The following THSD4 variants were observed in gnomAD, a reference collection of about 807,000 sequenced individuals.
The protein encoded by THSD4 is thrombospondin type-1 domain-containing protein 4.
Under a neutral mutation model 119.0 loss-of-function variants are expected in THSD4, and 69 were observed. The ratio of observed to expected loss-of-function variants is 0.58; its 90% CI spans 0.48 to 0.71. The LOEUF is 0.71. THSD4 is among the 30% of genes least tolerant of loss of function. The probability of loss-of-function intolerance (pLI) is 0.00; values close to 1 mark genes in which losing one functional copy is unlikely to be tolerated. For missense variants in THSD4, 1,393 were observed against 1,391.1 expected, an observed-to-expected ratio of 1.00 and a Z score of -0.02; for synonymous variants, 524 against 540.4, an observed-to-expected ratio of 0.97 and a Z score of 0.42.
At chr15:71,120,932 G>A (rs958337467) in intron 1 of THSD4, among the ~76,000 whole-genome samples, 4 of 152,208 alleles carry the variant, frequency 2.6e-5, no homozygotes, top group Non-Finnish European at 4.4e-5. Context: ...GGAGGATGAC[G>A]AGCTTTGACT....
At position 71,617,416 on chromosome 15, in the gene THSD4, C is replaced by G. The variant is rs2050337950; in HGVS notation, c.1153-43114C>G. Among the ~76,000 whole-genome samples, 5 of 152,130 alleles carry G rather than the reference C, an allele frequency of 3.3e-5. No individual in the cohort carries two copies. In the South Asian group the frequency reaches 1.0e-3, roughly 32 times the overall value. On this transcript the variant is annotated intron_variant, in intron 7 of 17. Coordinates refer to ENST00000261862, the MANE Select transcript of THSD4 (RefSeq NM_024817.3). The stretch of plus-strand genomic sequence containing the variant: ...CTCATTGCCTTCTCTTTTTCTTCTT[C>G]TCCCTTTCTTTCCCTTCATCTCAGT...
intron 1 of THSD4, among the ~76,000 whole-genome samples, chr15:71,122,756 A>C (rs667044): frequency 6.6e-6 from 1 of 152,172 alleles, no homozygotes; most frequent in South Asian, 2.1e-4. Context: ...CCCACCCTCT[A>C]TCAGGGATCT....
chr15:71,374,639 A>G (rs943241118), intron 6 of THSD4, among the ~76,000 whole-genome samples: 2 of 152,172 alleles, frequency 1.3e-5, no homozygotes, highest in Non-Finnish European at 2.9e-5. Flanking sequence ...TGAGGAATGA[A>G]TCTTGAGGGT....
intron 7 of THSD4, among the ~76,000 whole-genome samples, chr15:71,498,769 C>T (rs923207085): frequency 3.9e-5 from 6 of 152,082 alleles, no homozygotes; most frequent in Non-Finnish European, 8.8e-5. Flanking sequence ...GATCATGGCT[C>T]ACAGCAGCCT....
At chr15:71,578,178 TAATG>T (rs2049491160) in intron 7 of THSD4, among the ~76,000 whole-genome samples, 1 of 148,900 alleles carries the variant, frequency 6.7e-6, no homozygotes, top group African/African-American at 2.4e-5. Context: ...ATTATATATA[TAATG>T]AATATATATA....
intron 14 of THSD4, among the ~76,000 whole-genome samples, chr15:71,749,697 T>TTTTATTTATTTATTTATTTATTTATTTA (rs71131703): frequency 1.3e-4 from 18 of 137,630 alleles, no homozygotes; most frequent in South Asian, 2.3e-4. Context: ...ATTTTTAAAT[T>TTTTATTTATTTATTTATTTATTTATTTA]TTTATTTATT....
At chr15:71,632,911 C>G (rs1038666328) in intron 7 of THSD4, among the ~76,000 whole-genome samples, 1 of 152,222 alleles carries the variant, frequency 6.6e-6, no homozygotes, top group East Asian at 1.9e-4. Context: ...GTTCTTTCAG[C>G]TCTTGTCTGA....
At chr15:71,438,507 T>C (rs1305940982) in intron 7 of THSD4, among the ~76,000 whole-genome samples, 1 of 152,240 alleles carries the variant, frequency 6.6e-6, no homozygotes, top group Non-Finnish European at 1.5e-5. Flanking sequence ...ACCTTTTACA[T>C]TAATTCATTT....
At chr15:71,485,185 A>G (rs2047796698) in intron 7 of THSD4, among the ~76,000 whole-genome samples, 2 of 152,026 alleles carry the variant, frequency 1.3e-5, no homozygotes, top group Admixed American at 6.6e-5. Flanking sequence ...CTGGCTCCAC[A>G]TCTGTATATG....
intron 7 of THSD4, among the ~76,000 whole-genome samples, chr15:71,481,543 C>T (rs1376232954): frequency 6.6e-6 from 1 of 152,150 alleles, no homozygotes; most frequent in African/African-American, 2.4e-5. Flanking sequence ...ACACGTAGCC[C>T]AGATGGAGAA....
chr15:71,279,895 G>A (rs2140312641), intron 6 of THSD4, among the ~76,000 whole-genome samples: 1 of 152,278 alleles, frequency 6.6e-6, no homozygotes, highest in South Asian at 2.1e-4. Context: ...AATGGGCAAA[G>A]GACACAACCT....
At chr15:71,512,443 A>G (rs2048297378) in intron 7 of THSD4, among the ~76,000 whole-genome samples, 1 of 152,196 alleles carries the variant, frequency 6.6e-6, no homozygotes, top group Admixed American at 6.5e-5. Flanking sequence ...ACTATTAAAG[A>G]CGACAGTAAA....
intron 7 of THSD4, among the ~76,000 whole-genome samples, chr15:71,430,225 A>G (rs928397972): frequency 2.0e-5 from 3 of 152,188 alleles, no homozygotes; most frequent in African/African-American, 7.2e-5. Context: ...GAACAGGGCT[A>G]GAATCTAACA....
intron 7 of THSD4, among the ~76,000 whole-genome samples, chr15:71,514,619 T>C (rs894926146): frequency 1.3e-5 from 2 of 152,196 alleles, no homozygotes; most frequent in Non-Finnish European, 2.9e-5. Context: ...GTAAGATCTT[T>C]TAAAAATTCT....
At chr15:71,162,897 T>G (rs1290832142) in intron 3 of THSD4, among the ~76,000 whole-genome samples, 1 of 152,052 alleles carries the variant, frequency 6.6e-6, no homozygotes, top group East Asian at 1.9e-4. Flanking sequence ...TTTCTTCTGC[T>G]TGATCTGGTC....
At chr15:71,695,588 T>G (rs1595870613) in intron 8 of THSD4, among the ~76,000 whole-genome samples, 1 of 152,040 alleles carries the variant, frequency 6.6e-6, no homozygotes, top group East Asian at 1.9e-4. Context: ...TTTTGCTGAT[T>G]GCAGAGCCAT....
At chr15:71,119,612 A>G (rs1226521268) in intron 1 of THSD4, among the ~76,000 whole-genome samples, 3 of 152,176 alleles carry the variant, frequency 2.0e-5, no homozygotes, top group Non-Finnish European at 4.4e-5. Context: ...ACTCGAAGGC[A>G]TGTAAACCCA....
At chr15:71,437,273 A>AC (rs1475238807) in intron 7 of THSD4, among the ~76,000 whole-genome samples, 2 of 152,218 alleles carry the variant, frequency 1.3e-5, no homozygotes, top group Non-Finnish European at 2.9e-5. Context: ...CATGGTCCAA[A>AC]CACTTGCCAC....
chr15:71,762,713 A>G (rs2053646981), intron 15 of THSD4, among the ~76,000 whole-genome samples: 1 of 152,228 alleles, frequency 6.6e-6, no homozygotes, highest in South Asian at 2.1e-4. Context: ...ACAAGACACG[A>G]ATACACTCCA....
Sources: allele counts gnomAD v4.1 joint callset (sites outside exome capture counted in the v4.1 genomes callset), GRCh38; gene constraint gnomAD v4.1.1; transcripts MANE v1.5; gene names NCBI Gene and HGNC (gene_info 2026-07-23, HGNC 2026-07-21).